The following TSHZ2 variants were observed in gnomAD, a reference collection of about 807,000 sequenced individuals.
The protein encoded by TSHZ2 is teashirt homolog 2.
A neutral mutation model predicts 74.4 loss-of-function variants in TSHZ2; 21 were observed. The ratio of observed to expected loss-of-function variants is 0.28; its 90% CI spans 0.20 to 0.41. TSHZ2 has a LOEUF of 0.41. Among genes scored for constraint, TSHZ2 ranks in the 10% least tolerant of loss-of-function variants. The pLI is 1.00. For synonymous variants in TSHZ2, 540 were observed against 515.3 expected, an observed-to-expected ratio of 1.05 and a Z score of -0.65; for missense variants, 1,244 against 1,293.5, an observed-to-expected ratio of 0.96 and a Z score of 0.59.
chr20:53,394,894 A>T (rs964526547), intron 2 of TSHZ2, among the ~76,000 whole-genome samples: 4 of 142,824 alleles, frequency 2.8e-5, no homozygotes, highest in Admixed American at 2.7e-4. Flanking sequence ...AAAGATCCAA[A>T]GTCCCCTCCA....
At position 53,207,858 on chromosome 20, in the gene TSHZ2, C is replaced by CTTTT. The variant is rs58457116; in HGVS notation, c.41-45621_41-45618dup. Among the ~76,000 whole-genome samples, 143 of 96,662 alleles carry CTTTT rather than the reference C, an allele frequency of 1.5e-3. 3 individuals carry two copies. The highest frequency in any genetic ancestry group is 4.8e-3 in the African/African-American group (115 of 23,724). The allele number at this position is 96,662 out of a possible 152,430, so 63.4% of individuals were successfully genotyped here. On this transcript the variant is annotated intron_variant, in intron 1 of 2. Transcript: ENST00000371497. ...CATCGTGCCCAGATACATTGTTTTA[C>CTTTT]TTTTTTTTTTTTTTTTTTTTTTTGA...
intron 1 of TSHZ2, among the ~76,000 whole-genome samples, chr20:53,221,206 GC>G (rs1166610580): frequency 7.2e-6 from 1 of 139,010 alleles, no homozygotes; most frequent in Non-Finnish European, 1.7e-5. Context: ...TTTGTCTTCT[GC>G]CATGATTGTG....
chr20:53,467,856 C>G (rs1014797026), intron 2 of TSHZ2, among the ~76,000 whole-genome samples: 1 of 152,140 alleles, frequency 6.6e-6, no homozygotes, highest in Non-Finnish European at 1.5e-5. Context: ...GTGTACCAGG[C>G]TTTAAAAGCA....
chr20:53,031,736 T>A (rs1448106401), intron 1 of TSHZ2, among the ~76,000 whole-genome samples: 2 of 152,200 alleles, frequency 1.3e-5, no homozygotes, highest in Non-Finnish European at 2.9e-5. Context: ...GTATAGATTT[T>A]TCTCTGCAAC....
rs1986490122 is a variant in TSHZ2 at position 53,493,102 on chromosome 20, T to C, written c.*5967T>C. 1.3e-5 allele frequency: 2 copies of C among 152,228 alleles called. No homozygotes were observed. The highest frequency in any genetic ancestry group is 4.8e-5 in the African/African-American group (2 of 41,458). 9.4% of individuals were successfully genotyped at this position (152,228 alleles called of 1,614,324 possible). The stretch of plus-strand genomic sequence containing the variant: ...GTAAGCCTTCCGTGCATTTTTATAG[T>C]GTACATATTTGTATATACTAACTAT... On this transcript the variant is annotated 3_prime_UTR_variant, in exon 3 of 3. Transcript: ENST00000371497.
chr20:53,080,848 C>T (rs1448404861), intron 1 of TSHZ2, among the ~76,000 whole-genome samples: 1 of 152,132 alleles, frequency 6.6e-6, no homozygotes, highest in Non-Finnish European at 1.5e-5. Flanking sequence ...AAGAGATGAA[C>T]AGCCTAAGTC....
chr20:53,284,182 C>A (rs929363258), intron 2 of TSHZ2, among the ~76,000 whole-genome samples: 3 of 152,142 alleles, frequency 2.0e-5, no homozygotes, highest in African/African-American at 7.2e-5. Flanking sequence ...TGGAGTGTGT[C>A]TGTTAAGTGT....
intron 1 of TSHZ2, among the ~76,000 whole-genome samples, chr20:52,996,984 GTAAT>G (rs1211121504): frequency 6.6e-6 from 1 of 152,144 alleles, no homozygotes; most frequent in Admixed American, 6.5e-5. Context: ...GCAGAGGTGA[GTAAT>G]TAAATTGAGC....
chr20:53,432,295 A>T (rs1983873868), intron 2 of TSHZ2, among the ~76,000 whole-genome samples: 1 of 152,210 alleles, frequency 6.6e-6, no homozygotes, highest in South Asian at 2.1e-4. Flanking sequence ...TTGCTGCAAA[A>T]GACATTATTT....
chr20:53,171,015 C>T (rs1277340049), intron 1 of TSHZ2, among the ~76,000 whole-genome samples: 1 of 151,640 alleles, frequency 6.6e-6, no homozygotes, highest in Non-Finnish European at 1.5e-5. Flanking sequence ...GTCTGTCCAG[C>T]TAATAGAATT....
At chr20:53,112,582 G>T (rs1421285305) in intron 1 of TSHZ2, among the ~76,000 whole-genome samples, 2 of 152,176 alleles carry the variant, frequency 1.3e-5, no homozygotes, top group Non-Finnish European at 2.9e-5. Flanking sequence ...AGGCTGGAGT[G>T]CAGTGGTATG....
At chr20:52,990,070 T>A (rs1025662608) in intron 1 of TSHZ2, among the ~76,000 whole-genome samples, 1 of 152,168 alleles carries the variant, frequency 6.6e-6, no homozygotes, top group Non-Finnish European at 1.5e-5. Flanking sequence ...TAGCATGTTT[T>A]AAATTTTTCA....
At chr20:52,990,182 T>G (rs1157063110) in intron 1 of TSHZ2, among the ~76,000 whole-genome samples, 9 of 152,058 alleles carry the variant, frequency 5.9e-5, no homozygotes, top group Non-Finnish European at 1.0e-4. Flanking sequence ...TTACTGGATG[T>G]AGTAAGAAAA....
In TSHZ2 at chr20:53,011,905, G is replaced by A. The variant is rs150131919; in HGVS notation, c.40+38572G>A. ...GTCATTCTTTTCTGTGCCTGGCAATGGTCCCTGCACTTTACAAAACAAAGT... is the reference window on the plus strand; with the variant it reads ...GTCATTCTTTTCTGTGCCTGGCAATAGTCCCTGCACTTTACAAAACAAAGT... On this transcript the variant is annotated intron_variant, in intron 1 of 2. Transcript: ENST00000371497. 3.8e-3 allele frequency among the ~76,000 whole-genome samples: 577 copies of A among 152,188 alleles called. 6 individuals are homozygous for A. The highest frequency in any genetic ancestry group is 0.013 in the African/African-American group (546 of 41,530).
chr20:53,366,221 T>A (rs555839293), intron 2 of TSHZ2, among the ~76,000 whole-genome samples: 1 of 152,218 alleles, frequency 6.6e-6, no homozygotes, highest in Non-Finnish European at 1.5e-5. Flanking sequence ...CTGCCCACTG[T>A]GGAGACAAAG....
At position 53,492,211 on chromosome 20, in the gene TSHZ2, T is replaced by C. The variant is rs920881724; in HGVS notation, c.*5076T>C. 1 of 152,168 alleles carries C rather than the reference T, an allele frequency of 6.6e-6. No individual in the cohort carries two copies. Among genetic ancestry groups the C allele is most frequent in the African/African-American group, 2.4e-5 (1 of 41,444 alleles). 9.4% of individuals were successfully genotyped at this position (152,168 alleles called of 1,614,324 possible). A position where few individuals can be genotyped will look rare whatever the true frequency, so the allele number is the denominator to read the frequency against. ...GCTAATATTAACAGAATTTGAACAA[T>C]CATACAATTATGTCTCAAATGTGAA... is the stretch of plus-strand genomic sequence containing the variant. On this transcript the variant is annotated 3_prime_UTR_variant, in exon 3 of 3. Transcript: ENST00000371497.
At chr20:53,226,471 T>G (rs1412696752) in intron 1 of TSHZ2, among the ~76,000 whole-genome samples, 2 of 152,010 alleles carry the variant, frequency 1.3e-5, no homozygotes. Flanking sequence ...ACTCTCTCTC[T>G]TAATTAGAAT....
chr20:53,392,053 AATACTTAGAATAATAAAGAC>A (rs1309590309), intron 2 of TSHZ2, among the ~76,000 whole-genome samples: 1 of 152,224 alleles, frequency 6.6e-6, no homozygotes, highest in African/African-American at 2.4e-5. Context: ...TCACTGTGGT[AATACTTAGAATAATAAAGAC>A]ATGGAGGTAA....
intron 1 of TSHZ2, chr20:53,179,294 G>A (rs930292075): frequency 2.6e-5 from 4 of 152,160 alleles, no homozygotes; most frequent in Non-Finnish European, 1.5e-5. Flanking sequence ...TTATAAAATG[G>A]AAACTAGGTG....
Sources: gnomAD v4.1 joint callset for allele counts (sites outside exome capture counted in the v4.1 genomes callset) on GRCh38, gnomAD v4.1.1 for gene constraint, MANE v1.5 for transcripts, NCBI Gene and HGNC (gene_info 2026-07-23, HGNC 2026-07-21) for gene names.